FSTL5: variants seen among roughly 807,000 people sequenced by gnomAD.
The protein encoded by FSTL5 is follistatin like 5, also known as follistatin-related protein 5.
A neutral mutation model predicts 89.1 loss-of-function variants in FSTL5; 62 were observed. The observed-to-expected ratio is 0.70, with a 90% CI of 0.57 to 0.86. The LOEUF (loss-of-function observed/expected upper bound fraction) is 0.86. Among genes scored for constraint, FSTL5 ranks in the 40% least tolerant of loss-of-function variants. The pLI is 0.00. For synonymous variants in FSTL5, 383 were observed against 346.2 expected (o/e 1.11, Z -1.18); for missense variants, 1,057 against 1,001.6 (o/e 1.06, Z -0.75).
chr4:161,387,742 G>A (rs1299654350), intron 15 of FSTL5: 1 of 151,942 alleles, frequency 6.6e-6, no homozygotes, highest in African/African-American at 2.4e-5. Context: ...ACACACAGAT[G>A]TTTTACGAAA....
At chr4:161,595,942 T>C (rs1400181036) in intron 7 of FSTL5, among the ~76,000 whole-genome samples, 2 of 152,050 alleles carry the variant, frequency 1.3e-5, no homozygotes, top group Non-Finnish European at 2.9e-5. Context: ...TATGTTTTGA[T>C]ATACACTGAC....
intron 3 of FSTL5, among the ~76,000 whole-genome samples, chr4:161,969,751 G>T (rs1039701563): frequency 1.3e-5 from 2 of 152,022 alleles, no homozygotes; most frequent in African/African-American, 4.8e-5. Flanking sequence ...AGAAGAAACA[G>T]AAGTTAGGAT....
At chr4:162,092,535 T>C (rs1730588534) in intron 2 of FSTL5, among the ~76,000 whole-genome samples, 1 of 152,156 alleles carries the variant, frequency 6.6e-6, no homozygotes, top group South Asian at 2.1e-4. Flanking sequence ...TTCTTCAGAA[T>C]AGCAATAATA....
intron 4 of FSTL5, among the ~76,000 whole-genome samples, chr4:161,783,307 C>T (rs1379841304): frequency 3.9e-5 from 6 of 152,070 alleles, no homozygotes; most frequent in Middle Eastern, 6.8e-3. Context: ...AAAAGACGTG[C>T]CTTTTACAGA....
intron 12 of FSTL5, among the ~76,000 whole-genome samples, chr4:161,496,301 T>C (rs1730066184): frequency 1.3e-5 from 2 of 152,150 alleles, no homozygotes; most frequent in South Asian, 2.1e-4. Context: ...GATGTGATGG[T>C]TGATTTATAT....
chr4:161,968,022 T>A (rs990541746), intron 3 of FSTL5, among the ~76,000 whole-genome samples: 2 of 152,038 alleles, frequency 1.3e-5, no homozygotes, highest in African/African-American at 4.8e-5. Flanking sequence ...TCTTTTTTTT[T>A]AATTTGTTTA....
chr4:161,587,822 T>C (rs1289300098), intron 7 of FSTL5, among the ~76,000 whole-genome samples: 2 of 152,182 alleles, frequency 1.3e-5, no homozygotes, highest in African/African-American at 4.8e-5. Flanking sequence ...GAAATGCATG[T>C]TTAATATATA....
intron 2 of FSTL5, among the ~76,000 whole-genome samples, chr4:162,057,133 G>T (rs577388472): frequency 3.9e-5 from 6 of 152,328 alleles, no homozygotes; most frequent in African/African-American, 1.4e-4. Flanking sequence ...CCATCTGCCC[G>T]ATTAGCACCG....
intron 3 of FSTL5, among the ~76,000 whole-genome samples, chr4:161,996,533 C>A (rs149612613): frequency 1.4e-4 from 21 of 152,316 alleles, no homozygotes; most frequent in African/African-American, 5.1e-4. Context: ...CCCGTCTTGT[C>A]TCCTTCATTC....
At position 161,575,931 on chromosome 4, in the gene FSTL5, G is replaced by A. The variant is rs150390719; in HGVS notation, c.1015+11524C>T. On this transcript the variant is annotated intron_variant, in intron 8 of 15. Coordinates refer to ENST00000306100, the MANE Select transcript of FSTL5 (RefSeq NM_020116.5). ...ATATTTTGGAAACCCCATTGACTCA[G>A]CCCCAAAACTCCTTAAGCTGATAAG... 3.1e-4 allele frequency among the ~76,000 whole-genome samples: 47 copies of A among 152,234 alleles called. 1 individual carries two copies. In the East Asian group the frequency reaches 8.1e-3, roughly 26 times the overall value.
intron 10 of FSTL5, among the ~76,000 whole-genome samples, chr4:161,532,673 G>C (rs1731457758): frequency 6.6e-6 from 1 of 152,044 alleles, no homozygotes; most frequent in South Asian, 2.1e-4. Flanking sequence ...GACAACATTA[G>C]AAATATCTTT....
At chr4:161,974,910 AAAAC>A (rs1265560658) in intron 3 of FSTL5, among the ~76,000 whole-genome samples, 3 of 151,692 alleles carry the variant, frequency 2.0e-5, no homozygotes, top group Non-Finnish European at 2.9e-5. Context: ...TTACAAGAAA[AAAAC>A]AAACAACCCC....
chr4:161,393,808 C>T (rs983487281), intron 15 of FSTL5, among the ~76,000 whole-genome samples: 2 of 152,146 alleles, frequency 1.3e-5, no homozygotes, highest in Non-Finnish European at 2.9e-5. Context: ...TCTGAGGAAA[C>T]CACTGCTCTC....
intron 10 of FSTL5, among the ~76,000 whole-genome samples, chr4:161,514,245 A>G (rs940236271): frequency 2.8e-4 from 43 of 152,126 alleles, no homozygotes; most frequent in Non-Finnish European, 5.2e-4. Flanking sequence ...ACACACATAC[A>G]CACACACAGA....
intron 3 of FSTL5, among the ~76,000 whole-genome samples, chr4:162,007,977 G>A (rs1342089374): frequency 1.3e-5 from 2 of 151,760 alleles, no homozygotes; most frequent in Non-Finnish European, 3.0e-5. Flanking sequence ...ATATCAGTAA[G>A]TATAAGAGGA....
At chr4:161,827,530 T>A (rs1235098077) in intron 4 of FSTL5, among the ~76,000 whole-genome samples, 1 of 152,170 alleles carries the variant, frequency 6.6e-6, no homozygotes. Flanking sequence ...GAACACGCCC[T>A]TTGTCTTCGA....
chr4:161,627,987 A>T (rs551116180), intron 7 of FSTL5, among the ~76,000 whole-genome samples: 4 of 152,166 alleles, frequency 2.6e-5, no homozygotes, highest in Non-Finnish European at 5.9e-5. Flanking sequence ...ATGAATGGAA[A>T]CATTCCCACA....
intron 13 of FSTL5, among the ~76,000 whole-genome samples, chr4:161,461,011 G>A (rs1733549323): frequency 6.6e-6 from 1 of 150,982 alleles, no homozygotes; most frequent in East Asian, 1.9e-4. Context: ...TATGATGCAT[G>A]ATTTCTGAGA....
chr4:161,623,316 G>A (rs932250550), intron 7 of FSTL5, among the ~76,000 whole-genome samples: 6 of 151,790 alleles, frequency 4.0e-5, no homozygotes, highest in African/African-American at 1.5e-4. Context: ...GAGACAGGCA[G>A]GAAACAACCA....
Sources: gnomAD v4.1 joint callset for allele counts (sites outside exome capture counted in the v4.1 genomes callset) on GRCh38, gnomAD v4.1.1 for gene constraint, MANE v1.5 for transcripts, NCBI Gene and HGNC (gene_info 2026-07-23, HGNC 2026-07-21) for gene names.